Variants in MSRB3 observed in about 807,000 individuals in gnomAD.
The protein encoded by MSRB3 is methionine sulfoxide reductase B3.
Under a neutral mutation model 21.0 loss-of-function variants are expected in MSRB3, and 13 were observed. That is an observed-to-expected ratio of 0.62 (90% CI 0.40 to 0.98). The LOEUF (loss-of-function observed/expected upper bound fraction) is 0.98. MSRB3 is among the 50% of genes least tolerant of loss of function. MSRB3 has a pLI of 0.00. For missense variants in MSRB3, 199 were observed against 230.3 expected, an observed-to-expected ratio of 0.86 and a Z score of 0.88; for synonymous variants, 87 against 88.6, an observed-to-expected ratio of 0.98 and a Z score of 0.10.
chr12:65,351,616 A>T lies in MSRB3; in HGVS notation c.264-17382A>T, dbSNP rs576427931. ...GAAGAATCAAATAGACACAATAAAA[A>T]ATGATAAAGGGGATATCACCACTGA... On this transcript the variant is annotated intron_variant, in intron 4 of 6. Transcript: ENST00000308259. 2.2e-3 allele frequency among the ~76,000 whole-genome samples: 332 copies of T among 149,070 alleles called. 2 individuals are homozygous for T. The highest frequency in any genetic ancestry group is 8.1e-3 in the African/African-American group (312 of 38,582).
intron 5 of MSRB3, among the ~76,000 whole-genome samples, chr12:65,408,073 A>G (rs573701911): frequency 2.3e-4 from 35 of 151,638 alleles, no homozygotes; most frequent in Non-Finnish European, 3.5e-4. Flanking sequence ...TATCTCTTCA[A>G]AATGTGCTTT....
At position 65,463,211 on chromosome 12, in the gene MSRB3, A is replaced by G. The variant is rs1196073228; in HGVS notation, c.447A>G (p.Arg149=). The change falls in exon 7 of 7, where the codon AGA becomes AGG. Residue 149 remains arginine, a synonymous_variant. Coordinates refer to ENST00000308259, the MANE Select transcript of MSRB3 (RefSeq NM_001031679.3). ...FDDGPRPTGK[R]YCINSAALSF... ...ATGGGCCTCGTCCAACTGGGAAAAG[A>G]TACTGCATAAATTCGGCTGCCTTGT... 3.7e-6 allele frequency: 6 copies of G among 1,614,100 alleles called. No homozygotes were observed. The African/African-American group carries it at 4.0e-5, about 11-fold the overall frequency.
chr12:65,460,390 A>G (rs1372629568), intron 6 of MSRB3, among the ~76,000 whole-genome samples: 1 of 151,550 alleles, frequency 6.6e-6, no homozygotes, highest in Non-Finnish European at 1.5e-5. Flanking sequence ...ACCGGGTAAC[A>G]GTCCTTTCTG....
At chr12:65,381,868 T>C (rs945973294) in intron 5 of MSRB3, among the ~76,000 whole-genome samples, 2 of 152,068 alleles carry the variant, frequency 1.3e-5, no homozygotes, top group South Asian at 2.1e-4. Context: ...GTATTCGATG[T>C]TGCAAATTAG....
chr12:65,367,124 T>C lies in MSRB3; in HGVS notation c.264-1874T>C, dbSNP rs545747470. 1.2e-4 allele frequency among the ~76,000 whole-genome samples: 19 copies of C among 152,320 alleles called. No individual in the cohort carries two copies. The South Asian group carries it at 3.9e-3, about 32-fold the overall frequency. ...CCTTAGCAAAGGCAGATTGCACTGA[T>C]TCAAGGACCGAATATGTTGGGAGAT... On this transcript the variant is annotated intron_variant, in intron 4 of 6. Transcript: ENST00000308259.
intron 4 of MSRB3, among the ~76,000 whole-genome samples, chr12:65,350,897 G>A (rs1326614504): frequency 0.011 from 1,598 of 147,684 alleles, 40 homozygotes; most frequent in African/African-American, 0.04. Flanking sequence ...ACATTAGACA[G>A]ATCAACGAGA....
At chr12:65,366,104 C>CA (rs1035968314) in intron 4 of MSRB3, among the ~76,000 whole-genome samples, 3 of 152,150 alleles carry the variant, frequency 2.0e-5, no homozygotes, top group Non-Finnish European at 4.4e-5. Context: ...AACCTCTGGC[C>CA]CCCAGGTGCT....
intron 1 of MSRB3, among the ~76,000 whole-genome samples, chr12:65,306,060 A>C (rs1205125060): frequency 6.6e-6 from 1 of 152,160 alleles, no homozygotes; most frequent in East Asian, 1.9e-4. Flanking sequence ...CGAGAGGGTA[A>C]GCAAGTTGTC....
intron 1 of MSRB3, among the ~76,000 whole-genome samples, chr12:65,297,316 A>G (rs895405145): frequency 6.6e-6 from 1 of 152,176 alleles, no homozygotes; most frequent in African/African-American, 2.4e-5. Flanking sequence ...GCAAACCACC[A>G]TGGCACATGT....
intron 1 of MSRB3, among the ~76,000 whole-genome samples, chr12:65,300,658 C>T (rs1296615137): frequency 1.3e-5 from 2 of 152,186 alleles, no homozygotes; most frequent in Non-Finnish European, 2.9e-5. Context: ...GAACAAATAG[C>T]CCCCAAATCC....
At chr12:65,436,208 CAG>C (rs1882108038) in intron 5 of MSRB3, among the ~76,000 whole-genome samples, 1 of 151,792 alleles carries the variant, frequency 6.6e-6, no homozygotes, top group South Asian at 2.1e-4. Context: ...ATATATGTTA[CAG>C]ATAACCCACA....
At chr12:65,408,449 G>T (rs559390065) in intron 5 of MSRB3, among the ~76,000 whole-genome samples, 26 of 152,132 alleles carry the variant, frequency 1.7e-4, no homozygotes, top group Non-Finnish European at 3.1e-4. Flanking sequence ...GAGGTAGTAG[G>T]CCTTTAGTGT....
chr12:65,369,307 A>G (rs1050816541), intron 5 of MSRB3, among the ~76,000 whole-genome samples: 2 of 152,130 alleles, frequency 1.3e-5, no homozygotes, highest in Non-Finnish European at 2.9e-5. Flanking sequence ...TAATTGCTCA[A>G]AGTAGATTAT....
intron 5 of MSRB3, among the ~76,000 whole-genome samples, chr12:65,371,402 C>A (rs1297066435): frequency 2.0e-5 from 3 of 149,766 alleles, no homozygotes; most frequent in African/African-American, 7.4e-5. Flanking sequence ...CTCTATTGTG[C>A]ATCAAATACA....
intron 1 of MSRB3, among the ~76,000 whole-genome samples, chr12:65,281,217 G>T (rs1449070902): frequency 6.6e-6 from 1 of 152,128 alleles, no homozygotes; most frequent in African/African-American, 2.4e-5. Context: ...TCATAATCTG[G>T]TCACAATCCC....
At chr12:65,301,804 T>C (rs1873347744) in intron 1 of MSRB3, among the ~76,000 whole-genome samples, 1 of 152,212 alleles carries the variant, frequency 6.6e-6, no homozygotes, top group African/African-American at 2.4e-5. Flanking sequence ...GCTACTTATT[T>C]GTGTGAGTCT....
chr12:65,371,459 C>T (rs1419791722), intron 5 of MSRB3, among the ~76,000 whole-genome samples: 1 of 150,182 alleles, frequency 6.7e-6, no homozygotes, highest in African/African-American at 2.5e-5. Flanking sequence ...TCTGACAAAG[C>T]AAGATTTTTA....
chr12:65,328,929 A>G (rs1324931069), intron 4 of MSRB3, among the ~76,000 whole-genome samples: 6 of 152,256 alleles, frequency 3.9e-5, no homozygotes, highest in Non-Finnish European at 7.3e-5. Context: ...TAAATCTTCA[A>G]ATGACAGCCT....
At chr12:65,335,270 G>T (rs1363365176) in intron 4 of MSRB3, among the ~76,000 whole-genome samples, 1 of 152,190 alleles carries the variant, frequency 6.6e-6, no homozygotes, top group East Asian at 1.9e-4. Context: ...TCCTTACAAT[G>T]TGAGAAAGTA....
Sources: gnomAD v4.1 joint callset for allele counts (sites outside exome capture counted in the v4.1 genomes callset) on GRCh38, gnomAD v4.1.1 for gene constraint, MANE v1.5 for transcripts, NCBI Gene and HGNC (gene_info 2026-07-23, HGNC 2026-07-21) for gene names.